MSANTD3: variants seen among roughly 807,000 people sequenced by gnomAD.
MSANTD3 encodes the protein myb/SANT-like DNA-binding domain-containing protein 3.
A neutral mutation model predicts 27.7 loss-of-function variants in MSANTD3; 11 were observed. The observed-to-expected ratio is 0.40, with a 90% CI of 0.25 to 0.66. MSANTD3 has a LOEUF of 0.66. MSANTD3 is among the 30% of genes least tolerant of loss of function. MSANTD3 has a pLI of 0.41. For missense variants in MSANTD3, 250 were observed against 336.5 expected (o/e 0.74, Z 2.01); for synonymous variants, 131 against 127.2 (o/e 1.03, Z -0.20).
At position 100,451,072 on chromosome 9, in the gene MSANTD3, A is replaced by G; in HGVS notation, c.*106A>G. ...TAACAGAGCTACAACTAGGAAAATT[A>G]GAGTGGTAGTAGTCACTTATTTAAG... On this transcript the variant is annotated 3_prime_UTR_variant, in exon 3 of 3. Transcript: ENST00000395067. The G allele has an allele frequency of 9.0e-7, 1 of 1,113,034 alleles. No individual in the cohort carries two copies. The highest frequency in any genetic ancestry group is 2.5e-5 in the Admixed American group (1 of 40,014). The allele number at this position is 1,113,034 out of a possible 1,614,324, so 68.9% of individuals were successfully genotyped here. A position where few individuals can be genotyped will look rare whatever the true frequency, so the allele number is the denominator to read the frequency against.
intron 1 of MSANTD3, among the ~76,000 whole-genome samples, chr9:100,441,294 TG>T (rs1473992740): frequency 6.6e-6 from 1 of 152,182 alleles, no homozygotes; most frequent in East Asian, 1.9e-4. Context: ...TAACATGATT[TG>T]GGGGAATAAT....
At chr9:100,444,068 A>C (rs962559146) in intron 2 of MSANTD3, 1 of 152,174 alleles carries the variant, frequency 6.6e-6, no homozygotes, top group African/African-American at 2.4e-5. Context: ...AGTGGAAAAG[A>C]TAATTGCCAA....
chr9:100,443,070 A>G (rs540753602), intron 2 of MSANTD3, among the ~76,000 whole-genome samples: 92 of 152,220 alleles, frequency 6.0e-4, no homozygotes, highest in African/African-American at 2.1e-3. Context: ...TATTATTTGC[A>G]AAGCATTGCA....
chr9:100,445,104 G>T, intron 2 of MSANTD3: 1 of 904,834 alleles, frequency 1.1e-6, no homozygotes, highest in South Asian at 1.4e-5. Context: ...TAGTAGGTAG[G>T]GTACTGGTAC....
intron 2 of MSANTD3, chr9:100,448,495 C>G (rs1836810796): frequency 1.0e-6 from 1 of 985,304 alleles, no homozygotes; most frequent in Non-Finnish European, 1.2e-6. Context: ...TGTCCTGTGC[C>G]TTGGTTACCC....
chr9:100,441,479 CA>C (rs966382055), intron 1 of MSANTD3, among the ~76,000 whole-genome samples: 6 of 146,616 alleles, frequency 4.1e-5, no homozygotes, highest in East Asian at 4.1e-4. Context: ...ACCAAAACTA[CA>C]AAAAAAAAAT....
In MSANTD3 at chr9:100,446,438, T is replaced by G. The variant is rs78838799; in HGVS notation, c.418+4082T>G. Among the ~76,000 whole-genome samples the G allele has an allele frequency of 6.2e-3, 938 of 152,278 alleles. 9 individuals carry two copies. Among genetic ancestry groups the G allele is most frequent in the African/African-American group, 0.021 (861 of 41,542 alleles). The stretch of plus-strand genomic sequence containing the variant: ...ACGCGCTTGCATATCCTTTTACATG[T>G]GTTTTGTGTGCATCTATTTTAAATT... On this transcript the variant is annotated intron_variant, in intron 2 of 2. Transcript: ENST00000395067.
intron 2 of MSANTD3, among the ~76,000 whole-genome samples, chr9:100,449,508 T>A (rs1247764535): frequency 6.6e-6 from 1 of 151,636 alleles, no homozygotes; most frequent in Admixed American, 6.6e-5. Context: ...TTTGAATGAG[T>A]AGGAGTTGGG....
rs35438121 is a variant in MSANTD3, at chr9:100,442,295, C to G, written c.357C>G (p.Leu119=). The G allele has an allele frequency of 0.16, 260,699 of 1,614,000 alleles. 23,463 individuals carry two copies. Among genetic ancestry groups the G allele is most frequent in the Middle Eastern group, 0.22 (1,308 of 6,062 alleles). Residue 119 remains leucine, a synonymous_variant, in exon 2 of 3, where the codon CTC becomes CTG. Transcript: ENST00000395067. ...EKIASMLPEQ[L]YFLQSPPEEE... is the part of the protein sequence containing the mutation. The stretch of plus-strand genomic sequence containing the variant: ...TCGCCAGCATGCTGCCGGAGCAGCT[C>G]TACTTCCTGCAGAGCCCCCCGGAGG...
At chr9:100,439,388 GA>G (rs1836549721) in intron 1 of MSANTD3, among the ~76,000 whole-genome samples, 1 of 152,052 alleles carries the variant, frequency 6.6e-6, no homozygotes, top group East Asian at 1.9e-4. Flanking sequence ...TTTTATTATG[GA>G]ATTTTAAAAC....
rs35133590 is a variant in MSANTD3 at position 100,451,305 on chromosome 9, A to ATTTTT, written c.*348_*352dup. On this transcript the variant is annotated 3_prime_UTR_variant, in exon 3 of 3. Coordinates refer to ENST00000395067, the MANE Select transcript of MSANTD3 (RefSeq NM_080655.3). ...GTGTGACTATAAAGGAGTGTGGCTG[A>ATTTTT]TTTTTTTTTTTTTCTTTTTTCTTTT... The ATTTTT allele has an allele frequency of 6.6e-6, 1 of 152,182 alleles. No individual in the cohort carries two copies. Among genetic ancestry groups the ATTTTT allele is most frequent in the South Asian group, 2.1e-4 (1 of 4,706 alleles). The allele number at this position is 152,182 out of a possible 1,614,324, so 9.4% of individuals were successfully genotyped here.
chr9:100,436,323 T>C (rs568154354), intron 1 of MSANTD3, among the ~76,000 whole-genome samples: 27 of 152,266 alleles, frequency 1.8e-4, no homozygotes, highest in African/African-American at 6.0e-4. Flanking sequence ...ATGCAGCCTT[T>C]AGTGTACTGT....
chr9:100,447,993 C>A (rs951957726), intron 2 of MSANTD3, among the ~76,000 whole-genome samples: 2 of 151,954 alleles, frequency 1.3e-5, no homozygotes, highest in Admixed American at 1.3e-4. Flanking sequence ...GAGTTTGAGA[C>A]CAGCCTGGGC....
At chr9:100,443,054 G>A (rs1422220785) in intron 2 of MSANTD3, among the ~76,000 whole-genome samples, 2 of 152,058 alleles carry the variant, frequency 1.3e-5, no homozygotes, top group South Asian at 2.1e-4. Context: ...TATTTTTGGA[G>A]GTCCTTATTA....
At chr9:100,440,208 T>C (rs968835709) in intron 1 of MSANTD3, among the ~76,000 whole-genome samples, 2 of 152,144 alleles carry the variant, frequency 1.3e-5, no homozygotes, top group Non-Finnish European at 2.9e-5. Flanking sequence ...GGAATCATGG[T>C]TGAATCATTT....
In MSANTD3 at chr9:100,428,627, G is replaced by A. The variant is rs1836296226; in HGVS notation, c.-34+1234G>A. Among the ~76,000 whole-genome samples the A allele has an allele frequency of 2.6e-5, 4 of 152,212 alleles. No homozygotes were observed. The South Asian group carries it at 8.3e-4, about 32-fold the overall frequency. On this transcript the variant is annotated intron_variant, in intron 1 of 2. Coordinates refer to ENST00000395067, the MANE Select transcript of MSANTD3 (RefSeq NM_080655.3). ...GCAGGGGGTGGGGAGGGATGTTATA[G>A]GTTGTCTCTTTTTACTCCCAGGCCG...
chr9:100,439,369 T>C (rs1836549186), intron 1 of MSANTD3, among the ~76,000 whole-genome samples: 1 of 152,172 alleles, frequency 6.6e-6, no homozygotes, highest in Non-Finnish European at 1.5e-5. Context: ...CAGCCTCCCC[T>C]GCTTAATTTT....
chr9:100,430,905 G>A (rs1228314084), intron 1 of MSANTD3, among the ~76,000 whole-genome samples: 1 of 152,198 alleles, frequency 6.6e-6, no homozygotes, highest in Non-Finnish European at 1.5e-5. Flanking sequence ...AGAGGTGGCT[G>A]ATAGATAATT....
chr9:100,432,778 C>G (rs1836403517), intron 1 of MSANTD3, among the ~76,000 whole-genome samples: 1 of 152,212 alleles, frequency 6.6e-6, no homozygotes, highest in South Asian at 2.1e-4. Context: ...CTGTAATGCT[C>G]TCTTTCATTG....
Sources: allele counts gnomAD v4.1 joint callset (sites outside exome capture counted in the v4.1 genomes callset), GRCh38; gene constraint gnomAD v4.1.1; transcripts MANE v1.5; gene names NCBI Gene and HGNC (gene_info 2026-07-23, HGNC 2026-07-21).